Variants in FGF14 observed in about 807,000 individuals in gnomAD.
FGF14 encodes the protein fibroblast growth factor 14.
Under a neutral mutation model 25.5 loss-of-function variants are expected in FGF14, and 5 were observed. The ratio of observed to expected loss-of-function variants is 0.20; its 90% CI spans 0.10 to 0.41. The LOEUF (loss-of-function observed/expected upper bound fraction) is 0.41, where lower values mean the gene tolerates loss of function less well. Ranked by LOEUF, FGF14 falls within the 10% of genes least tolerant of loss-of-function variation. FGF14 has a pLI of 1.00. For synonymous variants in FGF14, 138 were observed against 118.3 expected (o/e 1.17, Z -1.08); for missense variants, 222 against 320.1 (o/e 0.69, Z 2.34).
At chr13:102,396,123 C>G (rs556604347) in intron 1 of FGF14, among the ~76,000 whole-genome samples, 1 of 152,268 alleles carries the variant, frequency 6.6e-6, no homozygotes, top group African/African-American at 2.4e-5. Context: ...ACCTGGTACA[C>G]AAGTCCTAAG....
chr13:102,108,682 C>T (rs978877708), intron 1 of FGF14, among the ~76,000 whole-genome samples: 2 of 152,176 alleles, frequency 1.3e-5, no homozygotes, highest in African/African-American at 4.8e-5. Context: ...TGGATAATTG[C>T]ACATTTAATT....
At chr13:102,197,612 T>C (rs1009654161) in intron 1 of FGF14, among the ~76,000 whole-genome samples, 1 of 151,770 alleles carries the variant, frequency 6.6e-6, no homozygotes, top group African/African-American at 2.4e-5. Context: ...TATATATTTA[T>C]ACATAATAAA....
At chr13:102,072,123 G>C (rs573958840) in intron 1 of FGF14, among the ~76,000 whole-genome samples, 1 of 152,100 alleles carries the variant, frequency 6.6e-6, no homozygotes, top group Non-Finnish European at 1.5e-5. Flanking sequence ...TGTGAAAGAA[G>C]AACAGAAAAT....
chr13:102,343,778 T>C (rs2057024049), intron 1 of FGF14, among the ~76,000 whole-genome samples: 1 of 152,188 alleles, frequency 6.6e-6, no homozygotes, highest in Admixed American at 6.5e-5. Flanking sequence ...TGTTTTTTAA[T>C]ATCCTGTTAG....
At chr13:102,015,373 C>G (rs191060797) in intron 1 of FGF14, among the ~76,000 whole-genome samples, 314 of 152,186 alleles carry the variant, frequency 2.1e-3, no homozygotes, top group African/African-American at 7.3e-3. Context: ...GTCACAGGCT[C>G]TACACTTGAA....
At chr13:102,034,844 C>A (rs940341390) in intron 1 of FGF14, among the ~76,000 whole-genome samples, 1 of 152,024 alleles carries the variant, frequency 6.6e-6, no homozygotes, top group African/African-American at 2.4e-5. Context: ...TGTATGGCCC[C>A]AGACTCTCTA....
In FGF14 at chr13:102,226,747, C is replaced by T. The variant is rs138674845; in HGVS notation, c.208+174724G>A. On this transcript the variant is annotated intron_variant, in intron 1 of 4. Coordinates refer to the FGF14 transcript ENST00000376131. ...TTACCACTTTGATTATGATGGTTCT[C>T]AAATCTATGTCTGCAGCCCACTTAA... is the stretch of plus-strand genomic sequence containing the variant. 8.9e-3 allele frequency among the ~76,000 whole-genome samples: 1,348 copies of T among 152,264 alleles called. 20 individuals are homozygous for T. The highest frequency in any genetic ancestry group is 0.03 in the African/African-American group (1,241 of 41,560).
At chr13:102,250,428 T>A (rs2052111320) in intron 1 of FGF14, among the ~76,000 whole-genome samples, 1 of 152,188 alleles carries the variant, frequency 6.6e-6, no homozygotes, top group South Asian at 2.1e-4. Flanking sequence ...TTTCATTATC[T>A]GAAAGTGATC....
rs201560245 is a variant in FGF14 at position 101,935,655 on chromosome 13, C to T, written c.209-60359G>A. Among the ~76,000 whole-genome samples, 20 of 152,226 alleles carry T rather than the reference C, an allele frequency of 1.3e-4. No homozygotes were observed. The East Asian group carries it at 2.7e-3, about 21-fold the overall frequency. On this transcript the variant is annotated intron_variant, in intron 1 of 4. Coordinates refer to the FGF14 transcript ENST00000376131. ...GCTTTCTGAGGCCTCCCCAGCCATG[C>T]GGAACCATGAGTCAATTAAACCTCT...
rs371214326 is a variant in FGF14 at position 102,214,767 on chromosome 13, C to T, written c.208+186704G>A. ...GTCACAACTTGGGGGCTGCCACTGGCATCATGTGGGTAGGGGTCAGAGATG... is the reference window on the plus strand; with the variant it reads ...GTCACAACTTGGGGGCTGCCACTGGTATCATGTGGGTAGGGGTCAGAGATG... On this transcript the variant is annotated intron_variant, in intron 1 of 4. Transcript: ENST00000376131. Among the ~76,000 whole-genome samples, 4 of 152,186 alleles carry T rather than the reference C, an allele frequency of 2.6e-5. No homozygotes were observed. The East Asian group carries it at 5.8e-4, about 22-fold the overall frequency.
intron 1 of FGF14, among the ~76,000 whole-genome samples, chr13:102,249,021 A>G (rs957381409): frequency 6.6e-6 from 1 of 152,100 alleles, no homozygotes; most frequent in Non-Finnish European, 1.5e-5. Context: ...GAAAGAATTG[A>G]GTTTGAGATA....
chr13:102,014,391 C>A (rs1370816672), intron 1 of FGF14, among the ~76,000 whole-genome samples: 1 of 152,002 alleles, frequency 6.6e-6, no homozygotes, highest in Non-Finnish European at 1.5e-5. Context: ...TGACCAGAAC[C>A]AGGCATATTC....
chr13:102,088,737 G>C (rs191332784), intron 1 of FGF14, among the ~76,000 whole-genome samples: 1 of 151,632 alleles, frequency 6.6e-6, no homozygotes, highest in South Asian at 2.1e-4. Flanking sequence ...TTCAAATTTG[G>C]GTACTTTATA....
chr13:102,379,995 G>T (rs942697447), intron 1 of FGF14, among the ~76,000 whole-genome samples: 3 of 152,160 alleles, frequency 2.0e-5, no homozygotes, highest in Non-Finnish European at 4.4e-5. Flanking sequence ...AGAGAGAATA[G>T]TGAGTGAGGC....
chr13:102,301,925 T>C (rs1454153679), intron 1 of FGF14, among the ~76,000 whole-genome samples: 1 of 151,308 alleles, frequency 6.6e-6, no homozygotes, highest in East Asian at 2.0e-4. Flanking sequence ...GGAAGTGTCA[T>C]CGGAAGAACA....
At chr13:102,030,086 A>T (rs1199829144) in intron 1 of FGF14, among the ~76,000 whole-genome samples, 2 of 152,126 alleles carry the variant, frequency 1.3e-5, no homozygotes, top group Non-Finnish European at 1.5e-5. Flanking sequence ...TACACTAGGT[A>T]ACTGTATGAG....
At chr13:102,115,528 A>G (rs750239801) in intron 1 of FGF14, among the ~76,000 whole-genome samples, 7 of 150,378 alleles carry the variant, frequency 4.7e-5, no homozygotes, top group Non-Finnish European at 1.0e-4. Context: ...GGCTTCTTTT[A>G]ATAAGTGTCT....
At chr13:102,170,766 T>C (rs1003940215) in intron 1 of FGF14, among the ~76,000 whole-genome samples, 1 of 152,184 alleles carries the variant, frequency 6.6e-6, no homozygotes, top group African/African-American at 2.4e-5. Flanking sequence ...AGGTAAACCC[T>C]TTTCATGGCA....
At chr13:102,076,181 A>C (rs1385029672) in intron 1 of FGF14, among the ~76,000 whole-genome samples, 1 of 152,156 alleles carries the variant, frequency 6.6e-6, no homozygotes, top group Admixed American at 6.6e-5. Flanking sequence ...TCCACTCACC[A>C]CTCACTGACT....
Sources: gnomAD v4.1 joint callset for allele counts (sites outside exome capture counted in the v4.1 genomes callset) on GRCh38, gnomAD v4.1.1 for gene constraint, MANE v1.5 for transcripts, NCBI Gene and HGNC (gene_info 2026-07-23, HGNC 2026-07-21) for gene names.